PCM1: variants seen among roughly 807,000 people sequenced by gnomAD.
The protein encoded by PCM1 is pericentriolar material 1.
Under a neutral mutation model 241.9 loss-of-function variants are expected in PCM1, and 157 were observed. The ratio of observed to expected loss-of-function variants is 0.65; its 90% CI spans 0.57 to 0.74. PCM1 has a LOEUF of 0.74. Among genes scored for constraint, PCM1 ranks in the 30% least tolerant of loss-of-function variants. PCM1 has a pLI of 0.00. For missense variants in PCM1, 3,478 were observed against 2,360.1 expected (o/e 1.47, Z -9.81); for synonymous variants, 1,085 against 784.9 (o/e 1.38, Z -6.39).
At chr8:18,003,102 C>G (rs1271478810) in intron 29 of PCM1, among the ~76,000 whole-genome samples, 1 of 152,202 alleles carries the variant, frequency 6.6e-6, no homozygotes, top group Non-Finnish European at 1.5e-5. Context: ...TTAGTGCTTG[C>G]ACGCCACCTT....
rs1369919050 is a variant in PCM1 at position 17,937,243 on chromosome 8, C to T, written c.206C>T (p.Ser69Leu). ...ACCAATGATATTTCTCCGGAGTCGT[C>T]ACCAGGAGTTGGAAGGCGAAGAACA... is the stretch of plus-strand genomic sequence containing the variant. Reference protein sequence around the residue: ...RVTNDISPESSPGVGRRRTKT... With the variant: ...RVTNDISPESLPGVGRRRTKT... Residue 69 changes from serine to leucine, a missense_variant, in exon 4 of 39, where the codon TCA becomes TTA. Physicochemically the swap from Ser to Leu is moderately radical, Grantham distance 145. Coordinates refer to ENST00000325083, the MANE Select transcript of PCM1 (RefSeq NM_006197.4). 1 of 1,610,534 alleles carries T rather than the reference C, an allele frequency of 6.2e-7. No individual in the cohort carries two copies. The highest frequency in any genetic ancestry group is 8.5e-7 in the Non-Finnish European group (1 of 1,177,678).
chr8:18,018,836 ATATG>A (rs1173739762), intron 36 of PCM1, among the ~76,000 whole-genome samples: 642 of 63,062 alleles, frequency 0.01, 12 homozygotes, highest in Non-Finnish European at 0.014. Flanking sequence ...GTATATATAT[ATATG>A]TGTGTGTGTG....
chr8:17,950,993 G>T (rs2065806346), intron 8 of PCM1, among the ~76,000 whole-genome samples: 1 of 152,204 alleles, frequency 6.6e-6, no homozygotes, highest in Admixed American at 6.5e-5. Context: ...AGTGATTAAT[G>T]AAGTTTTTCT....
At chr8:17,986,995 T>C (rs2082829346) in intron 26 of PCM1, among the ~76,000 whole-genome samples, 1 of 151,928 alleles carries the variant, frequency 6.6e-6, no homozygotes, top group East Asian at 1.9e-4. Flanking sequence ...TTCTGAGTTT[T>C]TCTGAATTTT....
At chr8:17,974,385 C>T (rs563441095) in intron 23 of PCM1, among the ~76,000 whole-genome samples, 4 of 152,304 alleles carry the variant, frequency 2.6e-5, no homozygotes, top group Admixed American at 6.5e-5. Context: ...TAAATTTCAG[C>T]ATTGTCTCAT....
intron 3 of PCM1, among the ~76,000 whole-genome samples, chr8:17,936,420 T>C (rs2060444885): frequency 6.6e-6 from 1 of 152,174 alleles, no homozygotes; most frequent in African/African-American, 2.4e-5. Flanking sequence ...AAAGTGGGAA[T>C]TTACAGACCT....
chr8:18,014,462 T>TTTTC (rs2092924628), intron 35 of PCM1, 122 bp from the exon 36 acceptor site: 1 of 745,972 alleles, frequency 1.3e-6, no homozygotes, highest in South Asian at 4.4e-5. Flanking sequence ...TGTAGTTGCC[T>TTTTC]TTTCTTTTTG....
chr8:17,931,242 A>T (rs1210586222), intron 2 of PCM1, among the ~76,000 whole-genome samples: 1 of 152,132 alleles, frequency 6.6e-6, no homozygotes, highest in Non-Finnish European at 1.5e-5. Context: ...TTTAGGGGGA[A>T]TTTATTGTGA....
In PCM1 at chr8:18,028,106, A is replaced by G. The variant is rs768919425; in HGVS notation, c.*444A>G. 4.9e-6 allele frequency: 1 copy of G among 204,078 alleles called. No individual in the cohort carries two copies. Among genetic ancestry groups the G allele is most frequent in the Non-Finnish European group, 1.0e-5 (1 of 99,508 alleles). 12.6% of individuals were successfully genotyped at this position (204,078 alleles called of 1,614,324 possible). On this transcript the variant is annotated 3_prime_UTR_variant, in exon 39 of 39. Coordinates refer to ENST00000325083, the MANE Select transcript of PCM1 (RefSeq NM_006197.4). ...TTATTTGTTATAAAGCCCATCCATTAGGCCAGTCTTCCAACTAATGCCAGT... is the reference window on the plus strand; with the variant it reads ...TTATTTGTTATAAAGCCCATCCATTGGGCCAGTCTTCCAACTAATGCCAGT...
chr8:18,003,996 T>C (rs549939354), intron 29 of PCM1, among the ~76,000 whole-genome samples: 9 of 152,174 alleles, frequency 5.9e-5, no homozygotes, highest in African/African-American at 1.9e-4. Flanking sequence ...TAAAAACTAA[T>C]AGGTATGCTT....
intron 2 of PCM1, chr8:17,926,387 T>G (rs1186678621): frequency 6.6e-6 from 1 of 152,216 alleles, no homozygotes; most frequent in Non-Finnish European, 1.5e-5. Flanking sequence ...ACTTTCATTT[T>G]TACGGATTTG....
intron 6 of PCM1, chr8:17,940,188 G>A (rs1297812317): frequency 2.7e-6 from 3 of 1,121,594 alleles, no homozygotes; most frequent in South Asian, 1.4e-5. Context: ...TTAAAGTGCT[G>A]GAAATGAAGG....
Position 17,963,103 on chromosome 8 carries a change from G to C in PCM1, c.2466G>C (p.Leu822Phe), listed in dbSNP as rs777061441. Residue 822 changes from leucine to phenylalanine, a missense_variant and splice_region_variant, in exon 17 of 39, where the codon TTG (leucine) becomes TTC (phenylalanine). Coordinates refer to ENST00000325083, the MANE Select transcript of PCM1 (RefSeq NM_006197.4). ...CTCTGGTTTCTTAAAAAAAATAGTT[G>C]TGGTCAGAAATGAGAAGACATGAAA... ...PEDSSIVDNELWSEMRRHEML... is the reference protein window; with the variant it reads ...PEDSSIVDNEFWSEMRRHEML... The C allele has an allele frequency of 1.3e-5, 21 of 1,601,348 alleles. No homozygotes were observed. The African/African-American group carries it at 2.3e-4, about 17-fold the overall frequency.
At chr8:17,967,418 C>G (rs1037375901) in intron 21 of PCM1, among the ~76,000 whole-genome samples, 1 of 151,986 alleles carries the variant, frequency 6.6e-6, no homozygotes, top group Non-Finnish European at 1.5e-5. Context: ...AAGGGATTCT[C>G]CTGCCTCAGC....
chr8:17,981,984 A>G (rs1199404534), intron 24 of PCM1, among the ~76,000 whole-genome samples: 1 of 152,230 alleles, frequency 6.6e-6, no homozygotes, highest in Non-Finnish European at 1.5e-5. Flanking sequence ...ATTTGAAAGC[A>G]AAAAGGCCGG....
At chr8:17,950,569 G>C (rs779150523) in intron 7 of PCM1, 46 bp from the exon 8 acceptor site, 12 of 904,416 alleles carry the variant, frequency 1.3e-5, no homozygotes, top group Non-Finnish European at 2.1e-5. Flanking sequence ...ATTAAAAAAG[G>C]TGTTTGATTA....
At chr8:17,955,692 A>G (rs2068002578) in intron 10 of PCM1, 39 bp downstream of exon 10, 1 of 1,442,604 alleles carries the variant, frequency 6.9e-7, no homozygotes, top group Admixed American at 1.7e-5. Flanking sequence ...GAAGTTAAAT[A>G]ATAGGGATAA....
At chr8:17,930,009 C>G (rs1306719251) in intron 2 of PCM1, among the ~76,000 whole-genome samples, 3 of 151,698 alleles carry the variant, frequency 2.0e-5, no homozygotes, top group African/African-American at 4.8e-5. Flanking sequence ...AAGGTGGGGA[C>G]TATAGTCACC....
intron 36 of PCM1, among the ~76,000 whole-genome samples, chr8:18,019,818 T>G (rs773740960): frequency 4.6e-5 from 7 of 152,182 alleles, no homozygotes; most frequent in Middle Eastern, 3.2e-3. Flanking sequence ...GGACTGGTAC[T>G]GGGGGTTGCA....
Sources: gnomAD v4.1 joint callset for allele counts (sites outside exome capture counted in the v4.1 genomes callset) on GRCh38, gnomAD v4.1.1 for gene constraint, MANE v1.5 for transcripts, NCBI Gene and HGNC (gene_info 2026-07-23, HGNC 2026-07-21) for gene names.